PRKCH: variants seen among roughly 807,000 people sequenced by gnomAD.
PRKCH encodes protein kinase C eta.
A neutral mutation model predicts 82.5 loss-of-function variants in PRKCH; 28 were observed. The ratio of observed to expected loss-of-function variants is 0.34; its 90% confidence interval spans 0.25 to 0.47. The LOEUF (loss-of-function observed/expected upper bound fraction) is 0.47. PRKCH is among the 20% of genes least tolerant of loss of function. The pLI, the probability that PRKCH is intolerant of heterozygous loss-of-function variation, is 1.00. For missense variants in PRKCH, 705 were observed against 881.8 expected (o/e 0.80, Z 2.54); for synonymous variants, 322 against 327.4 (o/e 0.98, Z 0.18).
intron 1 of PRKCH, among the ~76,000 whole-genome samples, chr14:61,188,738 T>A (rs867732464): frequency 2.7e-5 from 4 of 145,650 alleles, no homozygotes; most frequent in Admixed American, 6.9e-5. Context: ...TGTGTGTGTG[T>A]GATGGAGTTT....
intron 2 of PRKCH, among the ~76,000 whole-genome samples, chr14:61,393,058 G>A (rs34553830): frequency 0.25 from 37,924 of 151,580 alleles, 5,112 homozygotes; most frequent in Admixed American, 0.32. Context: ...ATATAATGTG[G>A]GTCTGTTTCT....
chr14:61,436,958 T>C (rs1470351904), intron 2 of PRKCH, among the ~76,000 whole-genome samples: 2 of 152,262 alleles, frequency 1.3e-5, no homozygotes, highest in Admixed American at 6.5e-5. Context: ...CAAAGACTAC[T>C]AACATGGAAG....
intron 12 of PRKCH, among the ~76,000 whole-genome samples, chr14:61,531,700 G>C (rs2043045634): frequency 6.6e-6 from 1 of 152,108 alleles, no homozygotes; most frequent in African/African-American, 2.4e-5. Context: ...CTCAAGCTGA[G>C]GTGTCAGTAC....
At chr14:61,234,826 C>A (rs1189814182) in intron 1 of PRKCH, among the ~76,000 whole-genome samples, 1 of 152,256 alleles carries the variant, frequency 6.6e-6, no homozygotes, top group African/African-American at 2.4e-5. Flanking sequence ...TCAGGGCCAT[C>A]AGCATCAGTC....
At chr14:61,521,421 A>C (rs1049699969) in intron 10 of PRKCH, among the ~76,000 whole-genome samples, 2 of 152,172 alleles carry the variant, frequency 1.3e-5, no homozygotes, top group Non-Finnish European at 1.5e-5. Flanking sequence ...TGCAGCAACC[A>C]ATATCTTTGT....
intron 2 of PRKCH, among the ~76,000 whole-genome samples, chr14:61,437,363 A>C (rs1418823152): frequency 1.3e-5 from 2 of 152,266 alleles, no homozygotes; most frequent in East Asian, 1.9e-4. Context: ...ATAAACCAAT[A>C]ATATTTTCTG....
At chr14:61,392,811 G>A (rs1417514473) in intron 2 of PRKCH, among the ~76,000 whole-genome samples, 1 of 150,558 alleles carries the variant, frequency 6.6e-6, no homozygotes, top group Non-Finnish European at 1.5e-5. Flanking sequence ...CTCTGTCATA[G>A]GATCACTAAG....
intron 2 of PRKCH, among the ~76,000 whole-genome samples, chr14:61,400,242 T>A (rs758852557): frequency 6.6e-6 from 1 of 152,204 alleles, no homozygotes; most frequent in Non-Finnish European, 1.5e-5. Flanking sequence ...AGTTACCCCC[T>A]GTATCAACAC....
chr14:61,316,909 A>G (rs2140112786), upstream of PRKCH, among the ~76,000 whole-genome samples: 1 of 152,324 alleles, frequency 6.6e-6, no homozygotes, highest in Non-Finnish European at 1.5e-5. Flanking sequence ...AATGAGGAAC[A>G]GGGAGAGGGG....
At chr14:61,219,221 T>C (rs548076394) in intron 1 of PRKCH, among the ~76,000 whole-genome samples, 3 of 152,364 alleles carry the variant, frequency 2.0e-5, no homozygotes, top group Non-Finnish European at 4.4e-5. Flanking sequence ...AGTATTCATG[T>C]GGTAGTTGTG....
At chr14:61,318,504 C>G (rs181305814), upstream of PRKCH, among the ~76,000 whole-genome samples, 79 of 151,624 alleles carry the variant, frequency 5.2e-4, no homozygotes, top group African/African-American at 1.8e-3. Context: ...CACACCTTGT[C>G]TCATGCCGTT....
intron 10 of PRKCH, among the ~76,000 whole-genome samples, chr14:61,486,680 CTTTCTTTTTT>C (rs1886240024): frequency 6.8e-6 from 1 of 146,312 alleles, no homozygotes; most frequent in Non-Finnish European, 1.5e-5. Context: ...TTCTTTCTTT[CTTTCTTTTTT>C]TTTTTTTAAG....
intron 1 of PRKCH, among the ~76,000 whole-genome samples, chr14:61,207,987 T>C (rs2044540697): frequency 6.6e-6 from 1 of 152,194 alleles, no homozygotes; most frequent in Admixed American, 6.5e-5. Context: ...AAATACCAAA[T>C]GTATGGCTGT....
chr14:61,460,883 G>C (rs1884999265), intron 9 of PRKCH, among the ~76,000 whole-genome samples: 1 of 152,172 alleles, frequency 6.6e-6, no homozygotes, highest in South Asian at 2.1e-4. Context: ...ATACATTTCA[G>C]GGTCACTAGT....
chr14:61,514,116 G>A (rs1332031624), intron 10 of PRKCH, among the ~76,000 whole-genome samples: 1 of 151,980 alleles, frequency 6.6e-6, no homozygotes, highest in Non-Finnish European at 1.5e-5. Context: ...TGAAGAAAGG[G>A]AAGAATCTGT....
At chr14:61,390,976 A>G in intron 1 of PRKCH, 1 of 380,946 alleles carries the variant, frequency 2.6e-6, no homozygotes. Flanking sequence ...CTATATTATG[A>G]CAAGCCAAAA....
intron 1 of PRKCH, among the ~76,000 whole-genome samples, chr14:61,208,878 GCCTTTGGGGGA>G (rs2044547731): frequency 6.6e-6 from 1 of 152,138 alleles, no homozygotes; most frequent in Non-Finnish European, 1.5e-5. Flanking sequence ...TGTAGTTGTG[GCCTTTGGGGGA>G]TAATTAGGTC....
chr14:61,520,037 C>A (rs1164450136), intron 10 of PRKCH, among the ~76,000 whole-genome samples: 2 of 147,424 alleles, frequency 1.4e-5, no homozygotes, highest in Non-Finnish European at 3.0e-5. Context: ...CCCTGCACAT[C>A]TTCCTTGGGA....
intron 1 of PRKCH, among the ~76,000 whole-genome samples, chr14:61,213,483 A>C (rs57624488): frequency 0.041 from 6,209 of 152,282 alleles, 238 homozygotes; most frequent in African/African-American, 0.11. Flanking sequence ...GGGGTTTTGT[A>C]TTCATTTATA....
Sources: allele counts gnomAD v4.1 joint callset (sites outside exome capture counted in the v4.1 genomes callset), GRCh38; gene constraint gnomAD v4.1.1; transcripts MANE v1.5; gene names NCBI Gene and HGNC (gene_info 2026-07-23, HGNC 2026-07-21).